RGS7: variants seen among roughly 807,000 people sequenced by gnomAD.
RGS7 encodes the protein regulator of G-protein signaling 7.
RGS7 carries 27 observed loss-of-function variants against 81.1 expected under a neutral mutation model. The ratio of observed to expected loss-of-function variants is 0.33; its 90% CI spans 0.25 to 0.46. RGS7 has a LOEUF of 0.46. Among genes scored for constraint, RGS7 ranks in the 20% least tolerant of loss-of-function variants. The probability of loss-of-function intolerance (pLI) is 1.00; values close to 1 mark genes in which losing one functional copy is unlikely to be tolerated. For synonymous variants in RGS7, 208 were observed against 207.7 expected, an observed-to-expected ratio of 1.00 and a Z score of -0.01; for missense variants, 396 against 607.4, an observed-to-expected ratio of 0.65 and a Z score of 3.66.
chr1:240,790,442 C>T (rs911905056), intron 18 of RGS7, among the ~76,000 whole-genome samples: 2 of 151,548 alleles, frequency 1.3e-5, no homozygotes, highest in African/African-American at 4.8e-5. Context: ...ATTACAGGCA[C>T]AAGCCACTGT....
At chr1:241,049,830 G>T (rs919341027) in intron 3 of RGS7, among the ~76,000 whole-genome samples, 1 of 152,134 alleles carries the variant, frequency 6.6e-6, no homozygotes, top group Non-Finnish European at 1.5e-5. Context: ...CCAGGCCCTT[G>T]GGACAGACGC....
intron 3 of RGS7, among the ~76,000 whole-genome samples, chr1:241,053,075 AC>A (rs1347721586): frequency 6.6e-6 from 1 of 152,168 alleles, no homozygotes; most frequent in East Asian, 1.9e-4. Flanking sequence ...CTCTTGACAT[AC>A]ATTTAGACTT....
intron 6 of RGS7, among the ~76,000 whole-genome samples, chr1:240,929,729 C>T (rs895847834): frequency 6.6e-6 from 1 of 152,198 alleles, no homozygotes. Context: ...AAACGCTTGC[C>T]CTGCCTTCTC....
chr1:241,301,418 C>T (rs756469873), intron 2 of RGS7, among the ~76,000 whole-genome samples: 2 of 152,204 alleles, frequency 1.3e-5, no homozygotes, highest in Non-Finnish European at 2.9e-5. Flanking sequence ...GCTTGAAAGT[C>T]CACAAAGTAA....
chr1:241,135,471 C>T (rs957347475), intron 2 of RGS7, among the ~76,000 whole-genome samples: 5 of 152,080 alleles, frequency 3.3e-5, no homozygotes, highest in South Asian at 2.1e-4. Context: ...TTGCTCCACA[C>T]GGCCTCGTGT....
chr1:240,991,574 T>A (rs996985301), intron 3 of RGS7, among the ~76,000 whole-genome samples: 16 of 152,198 alleles, frequency 1.1e-4, no homozygotes, highest in Non-Finnish European at 1.2e-4. Flanking sequence ...TTTATTTTGA[T>A]AAAGCAAGTT....
chr1:240,797,826 G>C (rs1199757418), intron 18 of RGS7, among the ~76,000 whole-genome samples: 1 of 152,198 alleles, frequency 6.6e-6, no homozygotes, highest in Non-Finnish European at 1.5e-5. Context: ...CCAACCTTAA[G>C]AGACTTCTCT....
At chr1:241,308,523 T>TA (rs1364048580) in intron 2 of RGS7, among the ~76,000 whole-genome samples, 1 of 152,204 alleles carries the variant, frequency 6.6e-6, no homozygotes, top group African/African-American at 2.4e-5. Flanking sequence ...GCTGGTCTAT[T>TA]ACCTGAGAGA....
At chr1:241,065,743 G>GTA (rs2062024400) in intron 3 of RGS7, among the ~76,000 whole-genome samples, 1 of 152,168 alleles carries the variant, frequency 6.6e-6, no homozygotes, top group Non-Finnish European at 1.5e-5. Context: ...TATTGAGAGG[G>GTA]TATATCCTCA....
At chr1:241,178,233 A>G (rs1270686231) in intron 2 of RGS7, among the ~76,000 whole-genome samples, 1 of 152,198 alleles carries the variant, frequency 6.6e-6, no homozygotes, top group Non-Finnish European at 1.5e-5. Context: ...TTGAGATTGC[A>G]ATAAGCTAGG....
At chr1:241,089,787 C>A (rs1017315304) in intron 3 of RGS7, among the ~76,000 whole-genome samples, 18 of 151,988 alleles carry the variant, frequency 1.2e-4, no homozygotes, top group African/African-American at 3.9e-4. Context: ...GGGCAGATCA[C>A]GAGGTCAGGA....
chr1:240,952,905 T>C (rs1679800998), intron 4 of RGS7, among the ~76,000 whole-genome samples: 1 of 151,894 alleles, frequency 6.6e-6, no homozygotes, highest in African/African-American at 2.4e-5. Context: ...AGAAGCAATA[T>C]TAAGTTTAGG....
intron 2 of RGS7, among the ~76,000 whole-genome samples, chr1:241,100,602 A>G (rs1162225067): frequency 1.3e-5 from 2 of 152,120 alleles, no homozygotes; most frequent in Non-Finnish European, 2.9e-5. Context: ...ATGTTCTTTG[A>G]GTAAGTTAAA....
intron 3 of RGS7, among the ~76,000 whole-genome samples, chr1:241,011,389 G>A (rs1177447306): frequency 6.6e-6 from 1 of 152,156 alleles, no homozygotes; most frequent in African/African-American, 2.4e-5. Context: ...CATGGATGCT[G>A]ACATGCTTGC....
intron 2 of RGS7, among the ~76,000 whole-genome samples, chr1:241,224,745 T>C: frequency 6.6e-6 from 1 of 152,160 alleles, no homozygotes; most frequent in Non-Finnish European, 1.5e-5. Context: ...CTTTAGCTCC[T>C]CCCATAGTCA....
At chr1:240,957,818 A>ATTTTGT (rs1680702709) in intron 4 of RGS7, among the ~76,000 whole-genome samples, 1 of 152,218 alleles carries the variant, frequency 6.6e-6, no homozygotes, top group African/African-American at 2.4e-5. Flanking sequence ...CTGTAAATCT[A>ATTTTGT]AACCTATTCT....
intron 2 of RGS7, among the ~76,000 whole-genome samples, chr1:241,187,956 G>A (rs1388532996): frequency 6.6e-6 from 1 of 151,838 alleles, no homozygotes; most frequent in African/African-American, 2.4e-5. Flanking sequence ...GGAGAAGGGA[G>A]AGATGAAGAG....
chr1:241,247,851 T>C (rs1024374027), intron 2 of RGS7, among the ~76,000 whole-genome samples: 4 of 152,004 alleles, frequency 2.6e-5, no homozygotes, highest in African/African-American at 9.7e-5. Context: ...ACCCAGCATG[T>C]AGGCTTTCCT....
chr1:241,108,905 T>C (rs1572725166), intron 2 of RGS7, among the ~76,000 whole-genome samples: 1 of 152,154 alleles, frequency 6.6e-6, no homozygotes, highest in East Asian at 1.9e-4. Context: ...TCTGTAGTCA[T>C]TTTCAAACAC....
Sources: gnomAD v4.1 joint callset for allele counts (sites outside exome capture counted in the v4.1 genomes callset) on GRCh38, gnomAD v4.1.1 for gene constraint, MANE v1.5 for transcripts, NCBI Gene and HGNC (gene_info 2026-07-23, HGNC 2026-07-21) for gene names.